The following ESRRG variants were observed in gnomAD, a reference collection of about 807,000 sequenced individuals.
The protein encoded by ESRRG is estrogen-related receptor gamma.
In ESRRG, 13 loss-of-function variants were observed where a neutral mutation model predicts 44.0. That is an observed-to-expected ratio of 0.30 (90% CI 0.19 to 0.47). The LOEUF is 0.47. Ranked by LOEUF, ESRRG falls within the 20% of genes least tolerant of loss-of-function variation. The probability of loss-of-function intolerance (pLI) is 1.00; values close to 1 mark genes in which losing one functional copy is unlikely to be tolerated. For synonymous variants in ESRRG, 215 were observed against 214.6 expected (o/e 1.00, Z -0.02); for missense variants, 395 against 580.6 (o/e 0.68, Z 3.29).
chr1:216,968,701 CT>C (rs3072232), intron 1 of ESRRG, among the ~76,000 whole-genome samples: 19,826 of 141,782 alleles, frequency 0.14, 1,623 homozygotes, highest in East Asian at 0.21. Flanking sequence ...TAGTATGGGT[CT>C]TTTTTTTTTT....
chr1:217,035,657 A>G (rs991695768), intron 1 of ESRRG, among the ~76,000 whole-genome samples: 3 of 150,606 alleles, frequency 2.0e-5, no homozygotes, highest in Non-Finnish European at 4.4e-5. Context: ...ACTTTAATAA[A>G]GTAAAAACTC....
intron 1 of ESRRG, among the ~76,000 whole-genome samples, chr1:217,121,469 A>T (rs1001770875): frequency 4.6e-5 from 7 of 152,206 alleles, no homozygotes; most frequent in Non-Finnish European, 8.8e-5. Context: ...TACTGGAGAC[A>T]GGGTGACCAG....
chr1:216,517,048 C>T (rs554196054), intron 6 of ESRRG, among the ~76,000 whole-genome samples: 2 of 152,116 alleles, frequency 1.3e-5, no homozygotes, highest in African/African-American at 4.8e-5. Context: ...TTAGTAGGGA[C>T]TCTGATTCAA....
chr1:216,612,610 A>G (rs910230986), intron 3 of ESRRG, among the ~76,000 whole-genome samples: 2 of 152,118 alleles, frequency 1.3e-5, no homozygotes, highest in African/African-American at 4.8e-5. Context: ...TTAGCCCCAC[A>G]AGGCAGGAAG....
intron 1 of ESRRG, among the ~76,000 whole-genome samples, chr1:216,709,639 T>G (rs998500280): frequency 6.6e-6 from 1 of 152,052 alleles, no homozygotes; most frequent in Non-Finnish European, 1.5e-5. Flanking sequence ...ACAGACCCCT[T>G]TATTAACTAT....
At chr1:216,599,260 G>A (rs920319766) in intron 3 of ESRRG, among the ~76,000 whole-genome samples, 3 of 152,096 alleles carry the variant, frequency 2.0e-5, no homozygotes, top group Non-Finnish European at 4.4e-5. Context: ...TGGTTCACAA[G>A]TCATTTCAAA....
chr1:217,042,473 A>ACACACACACAC (rs2084037994), intron 1 of ESRRG, among the ~76,000 whole-genome samples: 2 of 138,972 alleles, frequency 1.4e-5, no homozygotes, highest in Admixed American at 7.4e-5. Context: ...TACACACACA[A>ACACACACACAC]ACACACACAC....
chr1:216,563,865 G>A (rs1174006997), intron 5 of ESRRG, among the ~76,000 whole-genome samples: 5 of 152,106 alleles, frequency 3.3e-5, no homozygotes, highest in Non-Finnish European at 7.4e-5. Flanking sequence ...GGCTACCGCT[G>A]ACAAAAACAT....
intron 5 of ESRRG, among the ~76,000 whole-genome samples, chr1:216,530,974 A>G (rs1226582228): frequency 1.3e-5 from 2 of 152,188 alleles, no homozygotes; most frequent in African/African-American, 2.4e-5. Flanking sequence ...TTTTCCTAAA[A>G]TAGAAACTAT....
chr1:216,856,172 T>A (rs1253165102), intron 2 of ESRRG, among the ~76,000 whole-genome samples: 1 of 151,812 alleles, frequency 6.6e-6, no homozygotes, highest in Non-Finnish European at 1.5e-5. Context: ...AAAAAAAAAC[T>A]TCCTATGAAA....
At chr1:216,578,900 G>C (rs1291880087) in intron 3 of ESRRG, among the ~76,000 whole-genome samples, 1 of 152,096 alleles carries the variant, frequency 6.6e-6, no homozygotes, top group Non-Finnish European at 1.5e-5. Flanking sequence ...TTCTCTCCTA[G>C]AGTTAACAAT....
chr1:216,596,891 T>C, intron 3 of ESRRG, among the ~76,000 whole-genome samples: 1 of 152,130 alleles, frequency 6.6e-6, no homozygotes, highest in East Asian at 1.9e-4. Context: ...GTATTGTAAA[T>C]ACCAGAGGGG....
At chr1:217,020,138 T>A (rs1411564094) in intron 1 of ESRRG, among the ~76,000 whole-genome samples, 1 of 152,118 alleles carries the variant, frequency 6.6e-6, no homozygotes, top group East Asian at 1.9e-4. Flanking sequence ...CCTCACATGG[T>A]TTTGCTCAAA....
chr1:216,509,374 T>G (rs1373350309), intron 6 of ESRRG, among the ~76,000 whole-genome samples: 1 of 152,198 alleles, frequency 6.6e-6, no homozygotes, highest in Non-Finnish European at 1.5e-5. Flanking sequence ...TATTATGAAT[T>G]TCCTCTTTAA....
chr1:216,575,500 A>G (rs1009316668), intron 3 of ESRRG, among the ~76,000 whole-genome samples: 1 of 152,160 alleles, frequency 6.6e-6, no homozygotes, highest in African/African-American at 2.4e-5. Context: ...GGTGACTAGC[A>G]GTCATTGGTT....
chr1:216,908,536 T>G (rs2059934512), intron 2 of ESRRG, among the ~76,000 whole-genome samples: 1 of 152,172 alleles, frequency 6.6e-6, no homozygotes, highest in South Asian at 2.1e-4. Context: ...ATATAGGTAT[T>G]GTCACACACA....
chr1:216,791,742 T>C (rs953902002), intron 2 of ESRRG, among the ~76,000 whole-genome samples: 1 of 152,216 alleles, frequency 6.6e-6, no homozygotes, highest in African/African-American at 2.4e-5. Flanking sequence ...TACCACTTGG[T>C]GAATAAAAAT....
At chr1:216,852,411 T>C (rs12086358) in intron 2 of ESRRG, among the ~76,000 whole-genome samples, 5,104 of 152,258 alleles carry the variant, frequency 0.034, 301 homozygotes, top group African/African-American at 0.11. Flanking sequence ...ACTGAAGACA[T>C]AAACAAGATC....
chr1:216,764,541 T>C (rs1449592624), intron 2 of ESRRG, among the ~76,000 whole-genome samples: 1 of 151,802 alleles, frequency 6.6e-6, no homozygotes, highest in Non-Finnish European at 1.5e-5. Flanking sequence ...AGTGCTGGGA[T>C]TACAGGCATG....
Sources: gnomAD v4.1 joint callset for allele counts (sites outside exome capture counted in the v4.1 genomes callset) on GRCh38, gnomAD v4.1.1 for gene constraint, MANE v1.5 for transcripts, NCBI Gene and HGNC (gene_info 2026-07-23, HGNC 2026-07-21) for gene names.